Variants in GSR observed in about 807,000 individuals in gnomAD.
The protein encoded by GSR is glutathione-disulfide reductase.
Under a neutral mutation model 56.5 loss-of-function variants are expected in GSR, and 48 were observed. The observed-to-expected ratio is 0.85, with a 90% CI of 0.67 to 1.08. The LOEUF (loss-of-function observed/expected upper bound fraction) is 1.08. Among genes scored for constraint, GSR ranks in the 50% least tolerant of loss-of-function variants. The pLI is 0.00. For synonymous variants in GSR, 264 were observed against 270.8 expected, an observed-to-expected ratio of 0.97 and a Z score of 0.25; for missense variants, 694 against 703.3, an observed-to-expected ratio of 0.99 and a Z score of 0.15.
In GSR at chr8:30,700,136, C is replaced by G. The variant is rs746207233; in HGVS notation, c.641-1G>C. ...TCGCTGGTTATTCCTAAGCTGGCAC[C>G]TATGTAGAAAAAGGCAACATAGATC... On this transcript the variant is annotated splice_acceptor_variant, in intron 5 of 12. Coordinates refer to ENST00000221130, the MANE Select transcript of GSR (RefSeq NM_000637.5). LOFTEE classifies it high-confidence loss of function. 9 of 1,610,942 alleles carry G rather than the reference C, an allele frequency of 5.6e-6. 1 individual carries two copies. Among genetic ancestry groups the G allele is most frequent in the Non-Finnish European group, 7.6e-6 (9 of 1,177,340 alleles).
At chr8:30,710,022 A>C in intron 2 of GSR, 120 bp from the exon 3 acceptor site, 1 of 688,656 alleles carries the variant, frequency 1.5e-6, no homozygotes, top group Non-Finnish European at 2.5e-6. Flanking sequence ...CCTTTAAATT[A>C]AAAACAAACC....
chr8:30,702,875 T>G (rs1586052753), intron 5 of GSR, among the ~76,000 whole-genome samples: 1 of 151,972 alleles, frequency 6.6e-6, no homozygotes, highest in Admixed American at 6.6e-5. Flanking sequence ...GAGGCGGAGG[T>G]AGCAGTGAGC....
chr8:30,708,293 C>A, intron 3 of GSR, 152 bp from the exon 4 acceptor site: 1 of 711,392 alleles, frequency 1.4e-6, no homozygotes, highest in Non-Finnish European at 2.6e-6. Context: ...GTCATCCCTT[C>A]CCTGTGTCAT....
At chr8:30,703,301 A>T in intron 4 of GSR, 61 bp from the exon 5 acceptor site, 1 of 1,365,318 alleles carries the variant, frequency 7.3e-7, no homozygotes, top group Non-Finnish European at 1.0e-6. Context: ...ACCTACTGCA[A>T]CTTATCAGAA....
intron 8 of GSR, among the ~76,000 whole-genome samples, chr8:30,689,734 ACG>A (rs1491100418): frequency 8.7e-6 from 1 of 115,018 alleles, no homozygotes; most frequent in Non-Finnish European, 1.7e-5. Context: ...CTGGGTATAT[ACG>A]TGTGTGTGTG....
chr8:30,684,251 G>A (rs755994382), intron 9 of GSR, 52 bp from the exon 10 acceptor site: 478 of 1,005,058 alleles, frequency 4.8e-4, no homozygotes, highest in Middle Eastern at 1.0e-3. Context: ...TACTAAAAAA[G>A]GTAGATCAAA....
intron 6 of GSR, among the ~76,000 whole-genome samples, chr8:30,698,220 T>C (rs1266312458): frequency 6.6e-6 from 1 of 152,222 alleles, no homozygotes; most frequent in Non-Finnish European, 1.5e-5. Flanking sequence ...ACTTGAAGAA[T>C]CACGTATCAA....
At chr8:30,705,030 C>T (rs1803876489) in intron 4 of GSR, among the ~76,000 whole-genome samples, 1 of 151,882 alleles carries the variant, frequency 6.6e-6, no homozygotes, top group African/African-American at 2.4e-5. Context: ...CATAAGATCA[C>T]CATAAGCTAT....
chr8:30,719,570 G>C (rs760602266), intron 1 of GSR, among the ~76,000 whole-genome samples: 1 of 152,018 alleles, frequency 6.6e-6, no homozygotes, highest in Non-Finnish European at 1.5e-5. Flanking sequence ...AATTTCACAG[G>C]CTGTTCAGTA....
At chr8:30,684,990 G>A (rs1803111681) in intron 9 of GSR, among the ~76,000 whole-genome samples, 1 of 147,936 alleles carries the variant, frequency 6.8e-6, no homozygotes, top group Non-Finnish European at 1.5e-5. Flanking sequence ...TATTTATTGA[G>A]ATGGAGTCTC....
chr8:30,719,689 T>G (rs940640646), intron 1 of GSR, among the ~76,000 whole-genome samples: 4 of 152,044 alleles, frequency 2.6e-5, no homozygotes, highest in Non-Finnish European at 5.9e-5. Flanking sequence ...CCCCGATCAG[T>G]GGGCCTGCTG....
In GSR at chr8:30,682,006, A is replaced by G; in HGVS notation, c.1209T>C (p.Asp403=). 1 of 1,613,178 alleles carries G rather than the reference A, an allele frequency of 6.2e-7. No homozygotes were observed. Among genetic ancestry groups the G allele is most frequent in the South Asian group, 1.1e-5 (1 of 91,056 alleles). The change falls in exon 11 of 13, where the codon GAT becomes GAC. Residue 403 remains aspartate (D), a synonymous_variant. Coordinates refer to ENST00000221130, the MANE Select transcript of GSR (RefSeq NM_000637.5). The part of the protein sequence containing the change: ...LAHRLFEYKE[D]SKLDYNNIPT... ...GGATGTTGTTATAATCTAATTTGGA[A>G]TCTTCCTTATATTCAAAAAGTCGAT...
chr8:30,718,111 A>AAACTAAAT (rs1766668118), intron 1 of GSR, among the ~76,000 whole-genome samples: 1 of 147,722 alleles, frequency 6.8e-6, no homozygotes, highest in Non-Finnish European at 1.5e-5. Flanking sequence ...CAAAAAAATA[A>AAACTAAAT]AAATAAATAA....
Position 30,715,392 on chromosome 8 carries a change from G to A in GSR, c.307-3304C>T, listed in dbSNP as rs8190922. 9.1e-4 allele frequency among the ~76,000 whole-genome samples: 139 copies of A among 152,102 alleles called. 1 individual carries two copies. In the East Asian group the frequency reaches 0.02, roughly 22 times the overall value. Reference sequence around the variant, plus strand: ...GCTACTTCTCAACCCCCAAGTACCTGACAACATTACTGGGATAAATAGAAT... The same window carrying A: ...GCTACTTCTCAACCCCCAAGTACCTAACAACATTACTGGGATAAATAGAAT... On this transcript the variant is annotated intron_variant, in intron 1 of 12. Coordinates refer to ENST00000221130, the MANE Select transcript of GSR (RefSeq NM_000637.5).
At chr8:30,720,796 C>A (rs940273354) in intron 1 of GSR, among the ~76,000 whole-genome samples, 1 of 152,172 alleles carries the variant, frequency 6.6e-6, no homozygotes, top group Non-Finnish European at 1.5e-5. Flanking sequence ...TAACCTGAAC[C>A]TTCCAGTCTC....
At chr8:30,703,542 T>C (rs925755776) in intron 4 of GSR, among the ~76,000 whole-genome samples, 2 of 151,848 alleles carry the variant, frequency 1.3e-5, no homozygotes, top group Non-Finnish European at 2.9e-5. Context: ...AGCTCAGGAG[T>C]TCGAGACCAG....
chr8:30,719,152 G>T (rs1192964272), intron 1 of GSR, among the ~76,000 whole-genome samples: 2 of 143,310 alleles, frequency 1.4e-5, no homozygotes, highest in African/African-American at 5.2e-5. Context: ...CTGTCATCAG[G>T]CTGAAGTGCA....
chr8:30,703,462 T>C (rs1002809688), intron 4 of GSR, among the ~76,000 whole-genome samples: 8 of 152,044 alleles, frequency 5.3e-5, no homozygotes, highest in African/African-American at 1.7e-4. Flanking sequence ...TAAGATGAAA[T>C]AGGCTGGGCA....
At chr8:30,690,290 G>A (rs1803339531) in intron 8 of GSR, among the ~76,000 whole-genome samples, 1 of 151,584 alleles carries the variant, frequency 6.6e-6, no homozygotes, top group African/African-American at 2.4e-5. Flanking sequence ...CTCCTGGGTA[G>A]CTAGGACAAC....
Sources: allele counts gnomAD v4.1 joint callset (sites outside exome capture counted in the v4.1 genomes callset), GRCh38; gene constraint gnomAD v4.1.1; transcripts MANE v1.5; gene names NCBI Gene and HGNC (gene_info 2026-07-23, HGNC 2026-07-21).